PITPNM2: variants seen among roughly 807,000 people sequenced by gnomAD.
The protein encoded by PITPNM2 is phosphatidylinositol transfer protein membrane associated 2.
In PITPNM2, 35 loss-of-function variants were observed where a neutral mutation model predicts 132.2. The observed-to-expected ratio is 0.26, with a 90% CI of 0.20 to 0.35. The LOEUF is 0.35. Among genes scored for constraint, PITPNM2 ranks in the 10% least tolerant of loss-of-function variants. The pLI is 1.00. For missense variants in PITPNM2, 1,332 were observed against 1,912.0 expected (o/e 0.70, Z 5.66); for synonymous variants, 738 against 799.2 (o/e 0.92, Z 1.29).
intron 1 of PITPNM2, among the ~76,000 whole-genome samples, chr12:123,130,756 G>A (rs1421627032): frequency 1.3e-5 from 2 of 152,158 alleles, no homozygotes; most frequent in Non-Finnish European, 2.9e-5. Flanking sequence ...CTCCAGCCTG[G>A]GTGACAGAGC....
At position 122,987,719 on chromosome 12, in the gene PITPNM2, C is replaced by T. The variant is rs116303501; in HGVS notation, c.3115-60G>A. Reference sequence around the variant, plus strand: ...TCTGGCCTCTCCACCCCCTGCACCCCGGCCAGAGGGCAGCAGGGAGCTCCC... The same window carrying T: ...TCTGGCCTCTCCACCCCCTGCACCCTGGCCAGAGGGCAGCAGGGAGCTCCC... On this transcript the variant is annotated intron_variant, in intron 21 of 25. Transcript: ENST00000320201. 1,380 of 1,611,686 alleles carry T rather than the reference C, an allele frequency of 8.6e-4. 6 individuals carry two copies. In the African/African-American group the frequency reaches 0.016, roughly 19 times the overall value.
intron 1 of PITPNM2, among the ~76,000 whole-genome samples, chr12:123,139,257 T>A (rs2043447769): frequency 1.3e-5 from 2 of 152,148 alleles, no homozygotes; most frequent in African/African-American, 4.8e-5. Context: ...TCCCAGCACT[T>A]TGGGAGGCCG....
At chr12:122,991,643 C>T in intron 16 of PITPNM2, 1 of 1,145,576 alleles carries the variant, frequency 8.7e-7, no homozygotes, top group Non-Finnish European at 1.1e-6. Flanking sequence ...TTCCTCACCA[C>T]CCAGGTCCCA....
chr12:123,094,364 C>T (rs1247185952), intron 2 of PITPNM2, among the ~76,000 whole-genome samples: 4 of 152,216 alleles, frequency 2.6e-5, no homozygotes, highest in African/African-American at 9.7e-5. Flanking sequence ...GGAGGTGACT[C>T]CGGCTGACCT....
chr12:122,992,612 G>A lies in PITPNM2; in HGVS notation c.2291C>T (p.Pro764Leu), dbSNP rs750070348. Residue 764 changes from proline (P) to leucine (L), a missense_variant, in exon 16 of 26, where the codon CCG becomes CTG. Pro to Leu is a moderately conservative substitution (Grantham distance 98). This residue lies in a region of PITPNM2 where 710 missense variants were observed against 911.5 expected (regional missense o/e 0.78). Transcript: ENST00000320201. This position sits in a 1 kb window ranked among gnomAD's most constrained non-coding sequence, Gnocchi z 6.5. ...CAGCGGCTCCAGGCGTGAAGCTGAC[G>A]GGTCCGCGGGGTGGAAGAGGTTGTA... The part of the protein sequence containing the change: ...QVYNLFHPAD[P>L]SASRLEPLLE... 11 of 1,607,902 alleles carry A rather than the reference G, an allele frequency of 6.8e-6. No individual in the cohort carries two copies. Among genetic ancestry groups the A allele is most frequent in the East Asian group, 4.5e-5 (2 of 44,632 alleles).
intron 2 of PITPNM2, among the ~76,000 whole-genome samples, chr12:123,098,568 A>C (rs1242372080): frequency 6.6e-6 from 1 of 152,154 alleles, no homozygotes; most frequent in Non-Finnish European, 1.5e-5. Flanking sequence ...TTAATTAGCC[A>C]GGCATGGTGG....
In PITPNM2 at chr12:123,000,608, G is replaced by T; in HGVS notation, c.1224+170C>A. 1.4e-6 allele frequency: 1 copy of T among 733,286 alleles called. No homozygotes were observed. The highest frequency in any genetic ancestry group is 1.7e-5 in the South Asian group (1 of 58,058). 45.4% of individuals were successfully genotyped at this position (733,286 alleles called of 1,614,324 possible). A position where few individuals can be genotyped will look rare whatever the true frequency, so the allele number is the denominator to read the frequency against. ...GAGGGCGACAGGCGCCTTCCTAGCA[G>T]GGCAGCAAAAAAGGAGGCCCAGGCC... On this transcript the variant is annotated intron_variant, in intron 10 of 25. Transcript: ENST00000320201. This position sits in a 1 kb window ranked among gnomAD's most constrained non-coding sequence, Gnocchi z 5.4.
chr12:123,102,923 A>T (rs2042600087), intron 2 of PITPNM2, among the ~76,000 whole-genome samples: 1 of 152,168 alleles, frequency 6.6e-6, no homozygotes, highest in Non-Finnish European at 1.5e-5. Flanking sequence ...AAGGGACTGA[A>T]TCATGAATTT....
intron 2 of PITPNM2, among the ~76,000 whole-genome samples, chr12:123,075,166 T>TTGTGTATGTGCACA (rs6144910): frequency 0.15 from 22,278 of 152,180 alleles, 5,401 homozygotes; most frequent in African/African-American, 0.5. Flanking sequence ...ATATGTGCAC[T>TTGTGTATGTGCACA]TGTGGGCAAA....
At chr12:123,011,612 GT>G (rs2039206922) in intron 5 of PITPNM2, among the ~76,000 whole-genome samples, 1 of 152,206 alleles carries the variant, frequency 6.6e-6, no homozygotes, top group Non-Finnish European at 1.5e-5. Context: ...GGCCATTAAG[GT>G]GGGTCCTAAC....
intron 2 of PITPNM2, among the ~76,000 whole-genome samples, chr12:123,056,293 G>A (rs906783699): frequency 2.6e-5 from 4 of 152,354 alleles, no homozygotes; most frequent in South Asian, 2.1e-4. Context: ...TCACCTGAGC[G>A]CTCTGGAGAA....
chr12:123,127,019 A>G (rs2043153153), intron 1 of PITPNM2, among the ~76,000 whole-genome samples: 1 of 152,166 alleles, frequency 6.6e-6, no homozygotes, highest in South Asian at 2.1e-4. Context: ...AGGGCAAGGG[A>G]CCACAAAGCT....
At chr12:122,989,710 G>C in intron 18 of PITPNM2, 77 bp downstream of exon 18, 3 of 1,293,150 alleles carry the variant, frequency 2.3e-6, no homozygotes, top group Non-Finnish European at 3.0e-6. Flanking sequence ...CGGGGGTCTA[G>C]GTGGGCAGAG....
In PITPNM2 at chr12:123,004,517, C is replaced by A. The variant is rs373835251; in HGVS notation, c.953-28G>T. Reference sequence around the variant, plus strand: ...GGAAGGCAAAACCCCAGATTGACCGCCAACTGGAGAGGAAGGGCCCAGAGG... The same window carrying A: ...GGAAGGCAAAACCCCAGATTGACCGACAACTGGAGAGGAAGGGCCCAGAGG... On this transcript the variant is annotated intron_variant, in intron 7 of 25. Coordinates refer to ENST00000320201, the MANE Select transcript of PITPNM2 (RefSeq NM_020845.3). This position sits in a 1 kb window ranked among gnomAD's most constrained non-coding sequence, Gnocchi z 4.9. 536 of 1,610,766 alleles carry A rather than the reference C, an allele frequency of 3.3e-4. 2 individuals are homozygous for A. The highest frequency in any genetic ancestry group is 2.0e-3 in the Middle Eastern group (12 of 6,062).
rs1399138777 is a variant in PITPNM2, at chr12:122,984,521, C to G, written c.*1506G>C. 1 of 152,430 alleles carries G rather than the reference C, an allele frequency of 6.6e-6. No individual in the cohort carries two copies. Among genetic ancestry groups the G allele is most frequent in the East Asian group, 1.9e-4 (1 of 5,204 alleles). 9.4% of individuals were successfully genotyped at this position (152,430 alleles called of 1,614,324 possible). A position where few individuals can be genotyped will look rare whatever the true frequency, so the allele number is the denominator to read the frequency against. On this transcript the variant is annotated 3_prime_UTR_variant, in exon 26 of 26. Transcript: ENST00000320201. The stretch of plus-strand genomic sequence containing the variant: ...TGAATAAACCCTGAAGGTTCCATCC[C>G]TCCAGACTTTTTTCTCTGCACAAAA...
rs1222127851 is a variant in PITPNM2 at position 123,083,121 on chromosome 12, G to A, written c.-96+27264C>T. On this transcript the variant is annotated intron_variant, in intron 2 of 25. Transcript: ENST00000320201. The surrounding 1 kb of genome is among the most constrained non-coding windows in gnomAD (Gnocchi z 4.5). The stretch of plus-strand genomic sequence containing the variant: ...TGTAGTCCCAGCTACAGGAGGCTGT[G>A]GTGGGAGGATTGTTTGACCCAGGAG... 6.6e-6 allele frequency: 1 copy of A among 152,204 alleles called. No homozygotes were observed. Among genetic ancestry groups the A allele is most frequent in the Non-Finnish European group, 1.5e-5 (1 of 68,038 alleles). The allele number at this position is 152,204 out of a possible 1,614,324, so 9.4% of individuals were successfully genotyped here.
rs1051692602 is a variant in PITPNM2, at chr12:123,150,410, C to G, written c.-200+343G>C. Among the ~76,000 whole-genome samples the G allele has an allele frequency of 6.6e-6, 1 of 151,622 alleles. No individual in the cohort carries two copies. The highest frequency in any genetic ancestry group is 1.5e-5 in the Non-Finnish European group (1 of 67,898). On this transcript the variant is annotated intron_variant, in intron 1 of 25. Transcript: ENST00000320201. The surrounding 1 kb of genome is among the most constrained non-coding windows in gnomAD (Gnocchi z 6.0). Reference sequence around the variant, plus strand: ...CTCGCCCTGGCACCGGCACTGCCCACGCCTGCCCCCCGACCGCTATGACAC... The same window carrying G: ...CTCGCCCTGGCACCGGCACTGCCCAGGCCTGCCCCCCGACCGCTATGACAC...
At chr12:123,114,738 G>A (rs1031898086) in intron 1 of PITPNM2, among the ~76,000 whole-genome samples, 2 of 152,112 alleles carry the variant, frequency 1.3e-5, no homozygotes, top group African/African-American at 4.8e-5. Flanking sequence ...AGTGGATACT[G>A]GTACCTAATT....
chr12:123,019,326 T>C (rs1253743748), intron 3 of PITPNM2, among the ~76,000 whole-genome samples: 1 of 152,244 alleles, frequency 6.6e-6, no homozygotes, highest in Non-Finnish European at 1.5e-5. Context: ...CACAGGCATA[T>C]TCACTTTTTG....
Sources: allele counts gnomAD v4.1 joint callset (sites outside exome capture counted in the v4.1 genomes callset), GRCh38; gene constraint gnomAD v4.1.1; regional missense constraint gnomAD v4.1.1; non-coding constraint Gnocchi (gnomAD v3.1); transcripts MANE v1.5; gene names NCBI Gene and HGNC (gene_info 2026-07-23, HGNC 2026-07-21).